The following LIFR variants were observed in gnomAD, a reference collection of about 807,000 sequenced individuals.
The protein encoded by LIFR is leukemia inhibitory factor receptor.
Under a neutral mutation model 122.2 loss-of-function variants are expected in LIFR, and 84 were observed. That is an observed-to-expected ratio of 0.69 (90% confidence interval 0.58 to 0.82). The LOEUF is 0.82. Ranked by LOEUF, LIFR falls within the 40% of genes least tolerant of loss-of-function variation. The pLI, the probability that LIFR is intolerant of heterozygous loss-of-function variation, is 0.00. For synonymous variants in LIFR, 422 were observed against 434.7 expected, an observed-to-expected ratio of 0.97 and a Z score of 0.36; for missense variants, 1,294 against 1,311.6, an observed-to-expected ratio of 0.99 and a Z score of 0.21.
chr5:38,503,895 A>C (rs1380699991), intron 10 of LIFR, 81 bp downstream of exon 10: 62 of 972,100 alleles, frequency 6.4e-5, no homozygotes, highest in Non-Finnish European at 6.2e-5. Context: ...CTGAGAGCTT[A>C]AGCATATCAA....
intron 12 of LIFR, among the ~76,000 whole-genome samples, chr5:38,499,293 T>C (rs1745051282): frequency 6.6e-6 from 1 of 152,116 alleles, no homozygotes; most frequent in African/African-American, 2.4e-5. Flanking sequence ...AAGATCAAAC[T>C]CGAGAAGGCT....
chr5:38,554,538 T>TA lies in LIFR; in HGVS notation c.-20+1795dup, dbSNP rs113322297. ...CCCTAATGGAGTACTCAGCAGCTGT[T>TA]AGAGAATGAGGCAGATTCTCTTAGA... On this transcript the variant is annotated intron_variant, in intron 1 of 19. Coordinates refer to ENST00000453190, the MANE Select transcript of LIFR (RefSeq NM_001127671.2). Among the ~76,000 whole-genome samples, 338 of 152,316 alleles carry TA rather than the reference T, an allele frequency of 2.2e-3. 1 individual carries two copies. Among genetic ancestry groups the TA allele is most frequent in the African/African-American group, 7.7e-3 (318 of 41,562 alleles).
intron 1 of LIFR, among the ~76,000 whole-genome samples, chr5:38,574,208 T>G (rs1456970043): frequency 6.6e-6 from 1 of 152,068 alleles, no homozygotes; most frequent in East Asian, 1.9e-4. Context: ...CACTCTCCCC[T>G]CTGCTTACTC....
chr5:38,584,594 G>A lies in LIFR; in HGVS notation c.-20+10667C>T, dbSNP rs147518445. ...TAAATGGACCTGTACACTATGCTCC[G>A]TGAGTAAGCCAGACACAGAAAAAAA... On this transcript the variant is annotated intron_variant, in intron 1 of 19. Transcript: ENST00000263409. 6.7e-3 allele frequency among the ~76,000 whole-genome samples: 1,016 copies of A among 152,118 alleles called. 10 individuals are homozygous for A. The highest frequency in any genetic ancestry group is 0.011 in the Non-Finnish European group (750 of 67,986).
At chr5:38,509,590 G>GGAATCA (rs1440162805) in intron 7 of LIFR, among the ~76,000 whole-genome samples, 1 of 152,044 alleles carries the variant, frequency 6.6e-6, no homozygotes, top group Non-Finnish European at 1.5e-5. Flanking sequence ...AAAGCACTAA[G>GGAATCA]GAATCAAAAG....
At chr5:38,498,442 C>T (rs1437443221) in intron 12 of LIFR, among the ~76,000 whole-genome samples, 5 of 151,848 alleles carry the variant, frequency 3.3e-5, no homozygotes, top group African/African-American at 4.9e-5. Context: ...TTTTCAGTGC[C>T]AACCTCTCCC....
chr5:38,503,855 G>T, intron 10 of LIFR, 121 bp downstream of exon 10: 1 of 744,014 alleles, frequency 1.3e-6, no homozygotes, highest in Non-Finnish European at 2.3e-6. Flanking sequence ...TGTCTTTCTT[G>T]GTTCTTAGTA....
chr5:38,488,743 G>A (rs1286816813), intron 16 of LIFR, among the ~76,000 whole-genome samples: 2 of 136,632 alleles, frequency 1.5e-5, no homozygotes, highest in Non-Finnish European at 3.4e-5. Context: ...ACTGCTGTAA[G>A]TAAAAGATTT....
At chr5:38,504,649 G>A (rs993697952) in intron 9 of LIFR, among the ~76,000 whole-genome samples, 2 of 152,148 alleles carry the variant, frequency 1.3e-5, no homozygotes, top group African/African-American at 2.4e-5. Flanking sequence ...AAGGTACAGC[G>A]AGGCAAACTG....
Position 38,530,488 on chromosome 5 carries a change from G to T in LIFR, c.142+18C>A, listed in dbSNP as rs778400647. 1 of 1,603,872 alleles carries T rather than the reference G, an allele frequency of 6.2e-7. No homozygotes were observed. The highest frequency in any genetic ancestry group is 2.2e-5 in the East Asian group (1 of 44,808). On this transcript the variant is annotated intron_variant, in intron 2 of 19. Coordinates refer to ENST00000453190, the MANE Select transcript of LIFR (RefSeq NM_001127671.2). ...AAAACTGCAATCTGTTCATTCTCTGGAAGGCTGATGCACTTACCCTTTTTC... is the reference window on the plus strand; with the variant it reads ...AAAACTGCAATCTGTTCATTCTCTGTAAGGCTGATGCACTTACCCTTTTTC...
At chr5:38,599,669 A>T (rs1039390309), upstream of LIFR, among the ~76,000 whole-genome samples, 1 of 152,208 alleles carries the variant, frequency 6.6e-6, no homozygotes, top group Admixed American at 6.5e-5. Flanking sequence ...TATCTTCTCA[A>T]TTAGTTTACA....
intron 13 of LIFR, among the ~76,000 whole-genome samples, chr5:38,495,735 G>C (rs532140363): frequency 3.6e-4 from 55 of 152,330 alleles, no homozygotes; most frequent in African/African-American, 1.2e-3. Context: ...AGAGGTGGAA[G>C]TGGCCGTTTA....
intron 1 of LIFR, among the ~76,000 whole-genome samples, chr5:38,553,529 A>G (rs956451537): frequency 3.3e-5 from 5 of 149,734 alleles, no homozygotes; most frequent in Admixed American, 2.0e-4. Flanking sequence ...TTCAGAAAAA[A>G]TACAGACAAC....
intron 4 of LIFR, among the ~76,000 whole-genome samples, chr5:38,523,841 G>C (rs1746534225): frequency 6.6e-6 from 1 of 152,114 alleles, no homozygotes; most frequent in Non-Finnish European, 1.5e-5. Context: ...ATGAGAAAGG[G>C]AAACGACTAA....
rs1340388679 is a variant in LIFR at position 38,531,567 on chromosome 5, T to A, written c.-19-901A>T. Among the ~76,000 whole-genome samples the A allele has an allele frequency of 2.7e-5, 4 of 146,948 alleles. No individual in the cohort carries two copies. The South Asian group carries it at 9.0e-4, about 33-fold the overall frequency. On this transcript the variant is annotated intron_variant, in intron 1 of 19. Coordinates refer to ENST00000453190, the MANE Select transcript of LIFR (RefSeq NM_001127671.2). ...AACTATAAAAAACTAGAGGATGCAA[T>A]GAAAAAGGAATAACAGGAAATAAAA...
At chr5:38,503,453 G>A (rs1249257254) in intron 10 of LIFR, among the ~76,000 whole-genome samples, 1 of 152,122 alleles carries the variant, frequency 6.6e-6, no homozygotes, top group Non-Finnish European at 1.5e-5. Context: ...AGTTGTGACT[G>A]ATTTTCTAGA....
In LIFR at chr5:38,572,568, T is replaced by C. The variant is rs73071100; in HGVS notation, c.-20+22693A>G. ...CTCAACATTTGTGCTACCACCTGTT[T>C]ATCCAGAGCTTATGACAGACATCTC... On this transcript the variant is annotated intron_variant, in intron 1 of 19. Transcript: ENST00000263409. Among the ~76,000 whole-genome samples the C allele has an allele frequency of 5.0e-3, 764 of 152,340 alleles. 11 individuals are homozygous for C. Among genetic ancestry groups the C allele is most frequent in the African/African-American group, 0.017 (714 of 41,574 alleles).
chr5:38,565,623 T>A (rs1171803610), intron 1 of LIFR, among the ~76,000 whole-genome samples: 1 of 151,726 alleles, frequency 6.6e-6, no homozygotes, highest in Non-Finnish European at 1.5e-5. Context: ...GTTTCGCTCT[T>A]GTTGCCCAGG....
Position 38,481,244 on chromosome 5 carries a change from C to A in LIFR, c.*351G>T. ...CCACCAAGTATACACATGAGAAAAC[C>A]ACAAACAACAGAACAGAAAACAGTT... On this transcript the variant is annotated 3_prime_UTR_variant, in exon 20 of 20. Coordinates refer to ENST00000453190, the MANE Select transcript of LIFR (RefSeq NM_001127671.2). 5.7e-6 allele frequency: 2 copies of A among 352,768 alleles called. No individual in the cohort carries two copies. The highest frequency in any genetic ancestry group is 4.6e-5 in the South Asian group (1 of 21,698). The allele number at this position is 352,768 out of a possible 1,614,324, so 21.9% of individuals were successfully genotyped here.
Sources: gnomAD v4.1 joint callset for allele counts (sites outside exome capture counted in the v4.1 genomes callset) on GRCh38, gnomAD v4.1.1 for gene constraint, MANE v1.5 for transcripts, NCBI Gene and HGNC (gene_info 2026-07-23, HGNC 2026-07-21) for gene names.